BACH2: variants seen among roughly 807,000 people sequenced by gnomAD.
BACH2 encodes the protein BACH transcriptional regulator 2.
BACH2 carries 5 observed loss-of-function variants against 61.8 expected under a neutral mutation model. The ratio of observed to expected loss-of-function variants is 0.08; its 90% CI spans 0.04 to 0.17. The LOEUF is 0.17. BACH2 is among the 10% of genes least tolerant of loss of function. The pLI, the probability that BACH2 is intolerant of heterozygous loss-of-function variation, is 1.00. For synonymous variants in BACH2, 446 were observed against 440.1 expected (o/e 1.01, Z -0.17); for missense variants, 824 against 1,091.1 (o/e 0.76, Z 3.45).
intron 3 of BACH2, among the ~76,000 whole-genome samples, chr6:90,211,295 C>T (rs1257113953): frequency 2.0e-5 from 3 of 152,104 alleles, no homozygotes; most frequent in Admixed American, 6.5e-5. Flanking sequence ...CCTCACCAGC[C>T]AGGTCCTCGC....
intron 5 of BACH2, among the ~76,000 whole-genome samples, chr6:90,016,877 T>G (rs1390294028): frequency 6.6e-6 from 1 of 152,080 alleles, no homozygotes; most frequent in African/African-American, 2.4e-5. Context: ...TTGTTTCCAG[T>G]GAAAAATCTG....
intron 1 of BACH2, among the ~76,000 whole-genome samples, chr6:90,274,017 G>A (rs566012456): frequency 5.9e-5 from 9 of 152,306 alleles, no homozygotes; most frequent in Admixed American, 2.0e-4. Context: ...GGTAGCTCAC[G>A]TTTCTCCGTG....
chr6:90,028,810 T>C (rs1315990436), intron 5 of BACH2, among the ~76,000 whole-genome samples: 2 of 152,210 alleles, frequency 1.3e-5, no homozygotes, highest in Admixed American at 1.3e-4. Context: ...GACTCTGTCA[T>C]TCACTAGCTG....
At chr6:90,235,371 C>T (rs1048151060) in intron 3 of BACH2, among the ~76,000 whole-genome samples, 1 of 152,190 alleles carries the variant, frequency 6.6e-6, no homozygotes, top group African/African-American at 2.4e-5. Flanking sequence ...AATTACATCA[C>T]AGGGTTGTGA....
intron 7 of BACH2, among the ~76,000 whole-genome samples, chr6:89,947,667 G>A (rs1323306677): frequency 2.0e-5 from 3 of 151,766 alleles, no homozygotes; most frequent in East Asian, 1.9e-4. Context: ...CCGGGCTCAC[G>A]CCATTCTCCT....
intron 3 of BACH2, among the ~76,000 whole-genome samples, chr6:90,211,927 G>A (rs752103293): frequency 1.3e-5 from 2 of 152,138 alleles, no homozygotes; most frequent in Non-Finnish European, 2.9e-5. Context: ...CCACCACCAC[G>A]CCCAGCAGCT....
chr6:90,128,449 C>T (rs968239012), intron 4 of BACH2, among the ~76,000 whole-genome samples: 1 of 152,074 alleles, frequency 6.6e-6, no homozygotes, highest in African/African-American at 2.4e-5. Context: ...GGTGTGATGG[C>T]GGGCGCCTGT....
chr6:89,933,389 T>G (rs1772800071), intron 8 of BACH2, among the ~76,000 whole-genome samples: 1 of 152,026 alleles, frequency 6.6e-6, no homozygotes, highest in East Asian at 1.9e-4. Context: ...TAAAAGGGGT[T>G]GAACAGGTGG....
chr6:90,269,698 A>G (rs1390941112), intron 2 of BACH2, among the ~76,000 whole-genome samples: 1 of 152,196 alleles, frequency 6.6e-6, no homozygotes, highest in African/African-American at 2.4e-5. Context: ...AAGAGCCCTA[A>G]AACAAATAGC....
At chr6:90,106,006 G>A (rs1345734405) in intron 4 of BACH2, among the ~76,000 whole-genome samples, 1 of 152,174 alleles carries the variant, frequency 6.6e-6, no homozygotes, top group Non-Finnish European at 1.5e-5. Context: ...CTGAGCTTCA[G>A]AAGAGGGAAG....
At chr6:90,218,219 G>C (rs1769605025) in intron 3 of BACH2, 1 of 152,158 alleles carries the variant, frequency 6.6e-6, no homozygotes, top group Non-Finnish European at 1.5e-5. Flanking sequence ...GGAACCCAAC[G>C]CTGTCAACAG....
At chr6:90,055,338 G>A (rs556925128) in intron 5 of BACH2, among the ~76,000 whole-genome samples, 1 of 152,318 alleles carries the variant, frequency 6.6e-6, no homozygotes, top group South Asian at 2.1e-4. Context: ...AGAAGCCTCA[G>A]TAGCCGATTC....
In BACH2 at chr6:90,292,963, C is replaced by T. The variant is rs140198081; in HGVS notation, c.-446+3517G>A. 7.6e-3 allele frequency among the ~76,000 whole-genome samples: 1,151 copies of T among 152,292 alleles called. 13 individuals are homozygous for T. The highest frequency in any genetic ancestry group is 0.027 in the Middle Eastern group (8 of 294). On this transcript the variant is annotated intron_variant, in intron 1 of 8. Transcript: ENST00000257749. ...GAGTCTACAATGAGTTGAGTAGGGG[C>T]GGCCTGCCACTCCACACTATGCCCT...
intron 1 of BACH2, among the ~76,000 whole-genome samples, chr6:90,292,808 T>G (rs910297428): frequency 2.0e-5 from 3 of 152,234 alleles, no homozygotes; most frequent in African/African-American, 7.2e-5. Flanking sequence ...TCCAAAAATT[T>G]TTTAAAGATT....
chr6:90,141,642 A>G (rs1381949854), intron 4 of BACH2, among the ~76,000 whole-genome samples: 38 of 152,184 alleles, frequency 2.5e-4, no homozygotes, highest in Admixed American at 2.5e-3. Flanking sequence ...TGCTAACTTG[A>G]GTATATAAAC....
intron 4 of BACH2, among the ~76,000 whole-genome samples, chr6:90,117,421 CT>C (rs1783447609): frequency 1.3e-5 from 2 of 151,682 alleles, no homozygotes; most frequent in South Asian, 4.2e-4. Context: ...CAGAACCTTT[CT>C]GACTCTTCCT....
chr6:90,100,688 CACACACACACACAG>C lies in BACH2; in HGVS notation c.-161-11593_-161-11580del, dbSNP rs1292389055. Reference sequence around the variant, plus strand: ...TCTGTCCCTTTCCTCTCTCTCTCTACACACACACACACAGACACACACACACACACACACACACA... The same window carrying C: ...TCTGTCCCTTTCCTCTCTCTCTCTACACACACACACACACACACACACACA... On this transcript the variant is annotated intron_variant, in intron 4 of 8. Coordinates refer to ENST00000257749, the MANE Select transcript of BACH2 (RefSeq NM_021813.4). Among the ~76,000 whole-genome samples, 3 of 66,196 alleles carry C rather than the reference CACACACACACACAG, an allele frequency of 4.5e-5. No homozygotes were observed. In the East Asian group the frequency reaches 7.1e-4, roughly 16 times the overall value. 43.4% of individuals were successfully genotyped at this position (66,196 alleles called of 152,430 possible). A position where few individuals can be genotyped will look rare whatever the true frequency, so the allele number is the denominator to read the frequency against.
chr6:90,219,902 C>A (rs565386789), intron 3 of BACH2, among the ~76,000 whole-genome samples: 27 of 152,240 alleles, frequency 1.8e-4, no homozygotes, highest in Non-Finnish European at 3.4e-4. Flanking sequence ...ACCAACTTAA[C>A]TACAGGTTTT....
intron 6 of BACH2, among the ~76,000 whole-genome samples, chr6:89,989,899 G>A (rs1406348418): frequency 6.6e-6 from 1 of 152,184 alleles, no homozygotes; most frequent in Non-Finnish European, 1.5e-5. Context: ...AACGAAATAT[G>A]CTTAGAATGT....
Sources: gnomAD v4.1 joint callset for allele counts (sites outside exome capture counted in the v4.1 genomes callset) on GRCh38, gnomAD v4.1.1 for gene constraint, MANE v1.5 for transcripts, NCBI Gene and HGNC (gene_info 2026-07-23, HGNC 2026-07-21) for gene names.